TFR2: variants seen among roughly 807,000 people sequenced by gnomAD.
TFR2 encodes the protein transferrin receptor 2, also known as transferrin receptor protein 2.
TFR2 carries 64 observed loss-of-function variants against 91.9 expected under a neutral mutation model. The observed-to-expected ratio is 0.70, with a 90% CI of 0.57 to 0.86. The LOEUF (loss-of-function observed/expected upper bound fraction) is 0.86, where lower values mean the gene tolerates loss of function less well. Ranked by LOEUF, TFR2 falls within the 40% of genes least tolerant of loss-of-function variation. The pLI, the probability that TFR2 is intolerant of heterozygous loss-of-function variation, is 0.00. For missense variants in TFR2, 950 were observed against 1,080.5 expected, an observed-to-expected ratio of 0.88 and a Z score of 1.69; for synonymous variants, 454 against 459.6, an observed-to-expected ratio of 0.99 and a Z score of 0.15.
chr7:100,626,708 A>C (rs1803260106), intron 17 of TFR2, 55 bp downstream of exon 17: 5 of 1,505,874 alleles, frequency 3.3e-6, no homozygotes, highest in Non-Finnish European at 4.4e-6. Context: ...CAGGAGGTGG[A>C]GCCCCAGGGG....
At chr7:100,641,410 G>A (rs1803698269) in intron 1 of TFR2, 67 bp downstream of exon 1, 1 of 1,600,634 alleles carries the variant, frequency 6.2e-7, no homozygotes, top group Non-Finnish European at 8.5e-7. Flanking sequence ...AGCCTCAGGG[G>A]CTTGGGAGGG....
chr7:100,625,322 G>C (rs1314877365), intron 17 of TFR2, among the ~76,000 whole-genome samples: 2 of 152,102 alleles, frequency 1.3e-5, no homozygotes, highest in Admixed American at 6.6e-5. Context: ...GCCTCCCAAA[G>C]TGCTGAGATT....
Position 100,621,143 on chromosome 7 carries a change from A to G in TFR2, c.2137-17T>C. 1 of 1,501,456 alleles carries G rather than the reference A, an allele frequency of 6.7e-7. No individual in the cohort carries two copies. The highest frequency in any genetic ancestry group is 9.0e-7 in the Non-Finnish European group (1 of 1,116,282). The allele number at this position is 1,501,456 out of a possible 1,614,324, so 93.0% of individuals were successfully genotyped here. A position where few individuals can be genotyped will look rare whatever the true frequency, so the allele number is the denominator to read the frequency against. ...GAACTCCACCTGCGCAGAGAGGGGG[A>G]TCAGGTCAGGGTTGGGGGCTCTGGC... On this transcript the variant is annotated splice_polypyrimidine_tract_variant and intron_variant, in intron 17 of 17. Transcript: ENST00000223051.
At chr7:100,623,456 T>C (rs971606489) in intron 17 of TFR2, among the ~76,000 whole-genome samples, 3 of 151,954 alleles carry the variant, frequency 2.0e-5, no homozygotes, top group African/African-American at 7.3e-5. Context: ...TCAAGACATT[T>C]GCAATCTGAC....
intron 3 of TFR2, 85 bp downstream of exon 3, chr7:100,640,601 G>T (rs1036783030): frequency 3.3e-6 from 5 of 1,500,966 alleles, no homozygotes; most frequent in Admixed American, 3.6e-5. Flanking sequence ...GACACCAGAG[G>T]CCTGGGCCAG....
At position 100,620,996 on chromosome 7, in the gene TFR2, G is replaced by C; in HGVS notation, c.2267C>G (p.Ser756Cys). The C allele has an allele frequency of 1.2e-6, 2 of 1,608,254 alleles. No individual in the cohort carries two copies. The highest frequency in any genetic ancestry group is 1.7e-6 in the Non-Finnish European group (2 of 1,177,688). ...DHLRLLRSNSSGTPGATSSTG... is the reference protein window; with the variant it reads ...DHLRLLRSNSCGTPGATSSTG... ...GGAGGAGGTGGCCCCGGGGGTCCCGGAGCTGTTGGAGCGCAGCAGCCGCAG... is the reference window on the plus strand; with the variant it reads ...GGAGGAGGTGGCCCCGGGGGTCCCGCAGCTGTTGGAGCGCAGCAGCCGCAG... The change falls in exon 18 of 18, where the codon TCC (serine) becomes TGC (cysteine). Residue 756 changes from serine (S) to cysteine (C), a missense_variant. Ser to Cys is a moderately radical substitution (Grantham distance 112). Transcript: ENST00000223051.
intron 17 of TFR2, among the ~76,000 whole-genome samples, chr7:100,622,996 C>G (rs900227996): frequency 1.3e-5 from 2 of 149,156 alleles, no homozygotes; most frequent in Non-Finnish European, 3.0e-5. Context: ...ACAAACAGGC[C>G]GGGCACAGTG....
intron 10 of TFR2, 123 bp downstream of exon 10, chr7:100,629,130 G>T: frequency 7.8e-7 from 1 of 1,284,164 alleles, no homozygotes; most frequent in Non-Finnish European, 1.1e-6. Context: ...GGTACAATGT[G>T]GATGCCGAGG....
At position 100,628,062 on chromosome 7, in the gene TFR2, C is replaced by T. The variant is rs1269797253; in HGVS notation, c.1537+11G>A. On this transcript the variant is annotated intron_variant, in intron 12 of 17. Coordinates refer to ENST00000223051, the MANE Select transcript of TFR2 (RefSeq NM_003227.4). ...CCCAGGGGGCCAGGTGGTGGCACTG[C>T]CCCAGCTCACCCAGCACTGCGTTGT... 2 of 1,613,972 alleles carry T rather than the reference C, an allele frequency of 1.2e-6. No homozygotes were observed. Among genetic ancestry groups the T allele is most frequent in the Non-Finnish European group, 1.7e-6 (2 of 1,179,986 alleles).
rs144064192 is a variant in TFR2, at chr7:100,634,977, C to T, written c.474-1421G>A. ...TTTTTGAGACGGAGTCTCGCTCTGT[C>T]GCCCAGGCTGGTGTGTAGTCGTGCA... On this transcript the variant is annotated intron_variant, in intron 3 of 17. Transcript: ENST00000223051. 2.2e-4 allele frequency among the ~76,000 whole-genome samples: 34 copies of T among 151,282 alleles called. No individual in the cohort carries two copies. The East Asian group carries it at 6.2e-3, about 28-fold the overall frequency.
chr7:100,640,642 G>A (rs763317838), intron 3 of TFR2, 44 bp downstream of exon 3: 9 of 1,599,936 alleles, frequency 5.6e-6, no homozygotes, highest in Non-Finnish European at 4.3e-6. Flanking sequence ...GAGCGGATGA[G>A]GGGAGGGACA....
Position 100,631,004 on chromosome 7 carries a change from TAGG to T in TFR2, c.1152_1154del (p.Leu385del). The T allele has an allele frequency of 1.3e-6, 2 of 1,550,324 alleles. No homozygotes were observed. The highest frequency in any genetic ancestry group is 1.7e-6 in the Non-Finnish European group (2 of 1,152,144). The stretch of plus-strand genomic sequence containing the variant: ...CGGGGCCCAGGTGATAAGGGGAGCC[TAGG>T]AGGCTCCCCTGCCATTCTTGGGGGG... On this transcript the variant is annotated inframe_deletion, in exon 9 of 18. Transcript: ENST00000223051.
At position 100,627,745 on chromosome 7, in the gene TFR2, C is replaced by T; in HGVS notation, c.1681G>A (p.Val561Met). 1 of 1,613,958 alleles carries T rather than the reference C, an allele frequency of 6.2e-7. No homozygotes were observed. Among genetic ancestry groups the T allele is most frequent in the Non-Finnish European group, 8.5e-7 (1 of 1,179,954 alleles). Residue 561 changes from valine (V) to methionine (M), a missense_variant and splice_region_variant, in exon 14 of 18, where the codon GTG (valine) becomes ATG (methionine). Transcript: ENST00000223051. ...GCTCTCCCTACCCCCCCAACTTACA[C>T]CTCAGCATCCCAGCTGGGATTGGTG... is the stretch of plus-strand genomic sequence containing the variant. ...VFTNPSWDAEVIRPLPMDSSA... is the reference protein window; with the variant it reads ...VFTNPSWDAEMIRPLPMDSSA...
At chr7:100,639,579 G>GAAAAA (rs371949132) in intron 3 of TFR2, among the ~76,000 whole-genome samples, 1 of 133,468 alleles carries the variant, frequency 7.5e-6, no homozygotes. Flanking sequence ...AATGAGAAAT[G>GAAAAA]AAAAAAAAAA....
rs914980877 is a variant in TFR2 at position 100,633,016 on chromosome 7, G to T, written c.834C>A (p.Ile278=). 6.2e-7 allele frequency: 1 copy of T among 1,613,772 alleles called. No individual in the cohort carries two copies. The stretch of plus-strand genomic sequence containing the variant: ...GGACACTTACCTTCTGGGCGAAGCT[G>T]ATCACCCCCACGCGCACCAGCAGCA... The part of the protein sequence containing the change: ...GRLLLVRVGV[I]SFAQKVTNAQ... The change falls in exon 6 of 18, where the codon ATC becomes ATA. Residue 278 remains isoleucine (I), a synonymous_variant. Coordinates refer to ENST00000223051, the MANE Select transcript of TFR2 (RefSeq NM_003227.4).
At chr7:100,629,714 T>C (rs1803373258) in intron 9 of TFR2, among the ~76,000 whole-genome samples, 1 of 152,062 alleles carries the variant, frequency 6.6e-6, no homozygotes, top group South Asian at 2.1e-4. Flanking sequence ...TGTGCCACCA[T>C]GCTCGGCTAA....
intron 17 of TFR2, among the ~76,000 whole-genome samples, chr7:100,623,948 C>A (rs532427812): frequency 6.7e-6 from 1 of 150,210 alleles, no homozygotes; most frequent in South Asian, 2.1e-4. Flanking sequence ...CCCAGCTACT[C>A]GGGAGGCAGA....
chr7:100,631,947 T>G lies in TFR2; in HGVS notation c.967-2A>C. 3 of 1,613,968 alleles carry G rather than the reference T, an allele frequency of 1.9e-6. No homozygotes were observed. The highest frequency in any genetic ancestry group is 2.5e-6 in the Non-Finnish European group (3 of 1,179,932). On this transcript the variant is annotated splice_acceptor_variant, in intron 7 of 17. Coordinates refer to ENST00000223051, the MANE Select transcript of TFR2 (RefSeq NM_003227.4). LOFTEE classifies it high-confidence loss of function. Reference sequence around the variant, plus strand: ...GGGGTCTCCAGTTCCCAGGTGCACCTGCAGGGAAAGGGGTGCCCACGCAAA... The same window carrying G: ...GGGGTCTCCAGTTCCCAGGTGCACCGGCAGGGAAAGGGGTGCCCACGCAAA...
Position 100,621,007 on chromosome 7 carries a change from G to A in TFR2, c.2256C>T (p.Arg752=), listed in dbSNP as rs963087261. 3.7e-6 allele frequency: 6 copies of A among 1,606,154 alleles called. No individual in the cohort carries two copies. The African/African-American group carries it at 4.0e-5, about 11-fold the overall frequency. The stretch of plus-strand genomic sequence containing the variant: ...CCCCGGGGGTCCCGGAGCTGTTGGA[G>A]CGCAGCAGCCGCAGGTGGTCCAGCA... ...GALLDHLRLL[R]SNSSGTPGAT... The change falls in exon 18 of 18, where the codon CGC becomes CGT. Residue 752 remains arginine, a synonymous_variant. Coordinates refer to ENST00000223051, the MANE Select transcript of TFR2 (RefSeq NM_003227.4).
Sources: allele counts gnomAD v4.1 joint callset (sites outside exome capture counted in the v4.1 genomes callset), GRCh38; gene constraint gnomAD v4.1.1; transcripts MANE v1.5; gene names NCBI Gene and HGNC (gene_info 2026-07-23, HGNC 2026-07-21).